LTBR: variants seen among roughly 807,000 people sequenced by gnomAD.
The protein encoded by LTBR is tumor necrosis factor receptor superfamily member 3.
A neutral mutation model predicts 45.4 loss-of-function variants in LTBR; 15 were observed. The ratio of observed to expected loss-of-function variants is 0.33; its 90% CI spans 0.22 to 0.51. LTBR has a LOEUF of 0.51. Ranked by LOEUF, LTBR falls within the 20% of genes least tolerant of loss-of-function variation. The pLI is 0.97. For synonymous variants in LTBR, 228 were observed against 231.0 expected (o/e 0.99, Z 0.12); for missense variants, 450 against 565.5 (o/e 0.80, Z 2.07).
chr12:6,390,956 A>G lies in LTBR; in HGVS notation c.*19A>G, dbSNP rs1949107020. 2.0e-6 allele frequency: 3 copies of G among 1,514,426 alleles called. No homozygotes were observed. Among genetic ancestry groups the G allele is most frequent in the South Asian group, 1.3e-5 (1 of 74,830 alleles). 93.8% of individuals were successfully genotyped at this position (1,514,426 alleles called of 1,614,324 possible). On this transcript the variant is annotated 3_prime_UTR_variant, in exon 10 of 10. Coordinates refer to ENST00000228918, the MANE Select transcript of LTBR (RefSeq NM_002342.3). ...TGACTGACTGAGTCTGAGAAAAGGCAGAAGAAGGGGGGCACAAGGGCACCT... is the reference window on the plus strand; with the variant it reads ...TGACTGACTGAGTCTGAGAAAAGGCGGAAGAAGGGGGGCACAAGGGCACCT...
Position 6,384,575 on chromosome 12 carries a change from T to G in LTBR, c.97-13T>G. 5.0e-6 allele frequency: 8 copies of G among 1,612,922 alleles called. No individual in the cohort carries two copies. The highest frequency in any genetic ancestry group is 5.9e-6 in the Non-Finnish European group (7 of 1,178,884). ...ACTAATTCTTCTCTCCTCTTCTCCA[T>G]CTCCCTTTGAAGGTGCCTCCATATG... On this transcript the variant is annotated splice_polypyrimidine_tract_variant and intron_variant, in intron 1 of 9. Transcript: ENST00000228918.
upstream of LTBR, chr12:6,375,346 C>T (rs545280299): frequency 9.0e-6 from 13 of 1,447,794 alleles, no homozygotes; most frequent in African/African-American, 1.3e-4. Context: ...CAGCCTCTGG[C>T]CCTGACCTCG....
Position 6,386,584 on chromosome 12 carries a change from G to T in LTBR, c.667+140G>T. The T allele has an allele frequency of 3.9e-5, 23 of 593,230 alleles. No homozygotes were observed. The highest frequency in any genetic ancestry group is 5.8e-5 in the Non-Finnish European group (19 of 328,542). The allele number at this position is 593,230 out of a possible 1,614,324, so 36.7% of individuals were successfully genotyped here. On this transcript the variant is annotated intron_variant, in intron 6 of 9. Transcript: ENST00000228918. This position sits in a 1 kb window ranked among gnomAD's most constrained non-coding sequence, Gnocchi z 4.1. Reference sequence around the variant, plus strand: ...AAGAAAGTTCCTTACAGAAAAAATTGGAGTATCTCTAGGCTAGTTTACACA... The same window carrying T: ...AAGAAAGTTCCTTACAGAAAAAATTTGAGTATCTCTAGGCTAGTTTACACA...
Position 6,390,928 on chromosome 12 carries a change from C to G in LTBR, c.1299C>G (p.Thr433=), listed in dbSNP as rs1390817138. 6.4e-7 allele frequency: 1 copy of G among 1,560,048 alleles called. No individual in the cohort carries two copies. The highest frequency in any genetic ancestry group is 8.7e-7 in the Non-Finnish European group (1 of 1,152,560). ...SNRGPRNQFI[T]HD ...GGGGCCCAAGGAACCAATTTATCAC[C>G]CATGACTGACTGAGTCTGAGAAAAG... Residue 433 remains threonine, a synonymous_variant, in exon 10 of 10, where the codon ACC becomes ACG. Transcript: ENST00000228918.
At chr12:6,377,269 T>A (rs1948928128) in intron 1 of LTBR, 1 of 1,550,674 alleles carries the variant, frequency 6.4e-7, no homozygotes, top group East Asian at 2.4e-5. Flanking sequence ...CTGCTCATGA[T>A]ACCTCCCCTT....
chr12:6,378,527 G>A (rs143105235), intron 1 of LTBR, among the ~76,000 whole-genome samples: 31 of 151,612 alleles, frequency 2.0e-4, no homozygotes, highest in African/African-American at 7.0e-4. Context: ...TCTTACCTGA[G>A]AAAATGAAAG....
In LTBR at chr12:6,388,470, T is replaced by C; in HGVS notation, c.740T>C (p.Ile247Thr). Residue 247 changes from isoleucine to threonine, a missense_variant, in exon 7 of 10, where the codon ATC (isoleucine) becomes ACC (threonine). Ile to Thr is a moderately conservative substitution (Grantham distance 89, BLOSUM62 -1). Coordinates refer to ENST00000228918, the MANE Select transcript of LTBR (RefSeq NM_002342.3). This position sits in a 1 kb window ranked among gnomAD's most constrained non-coding sequence, Gnocchi z 4.3. ...FLLLATVFSC[I>T]WKSHPSLCRK... The stretch of plus-strand genomic sequence containing the variant: ...CTCCTTGCCACCGTCTTCTCCTGCA[T>C]CTGGAAGAGCCACCCTTCTCTCTGC... 1 of 1,614,036 alleles carries C rather than the reference T, an allele frequency of 6.2e-7. No homozygotes were observed. Among genetic ancestry groups the C allele is most frequent in the Non-Finnish European group, 8.5e-7 (1 of 1,179,992 alleles).
Position 6,391,010 on chromosome 12 carries a change from G to A in LTBR, c.*73G>A. 1 of 1,426,142 alleles carries A rather than the reference G, an allele frequency of 7.0e-7. No individual in the cohort carries two copies. Among genetic ancestry groups the A allele is most frequent in the Non-Finnish European group, 9.3e-7 (1 of 1,077,364 alleles). The allele number at this position is 1,426,142 out of a possible 1,614,324, so 88.3% of individuals were successfully genotyped here. A position where few individuals can be genotyped will look rare whatever the true frequency, so the allele number is the denominator to read the frequency against. ...CCCTTGAGGCTGCCCTGCCCACGTG[G>A]GATTCACAGGGGCCTGAGTAGGGCC... On this transcript the variant is annotated 3_prime_UTR_variant, in exon 10 of 10. Transcript: ENST00000228918.
chr12:6,384,754 C>A, intron 2 of LTBR, 70 bp downstream of exon 2: 1 of 1,446,214 alleles, frequency 6.9e-7, no homozygotes, highest in East Asian at 2.3e-5. Flanking sequence ...CCCTCGCGGC[C>A]TCAGAGGGAA....
intron 1 of LTBR, chr12:6,377,769 G>C: frequency 1.2e-6 from 1 of 812,360 alleles, no homozygotes; most frequent in South Asian, 1.4e-5. Context: ...GCCAGCTCAT[G>C]CCTGAAATCC....
At chr12:6,376,606 C>A (rs1948914624) in intron 1 of LTBR, among the ~76,000 whole-genome samples, 10 of 152,234 alleles carry the variant, frequency 6.6e-5, no homozygotes, top group Admixed American at 6.5e-4. Flanking sequence ...TCTCCAAAAT[C>A]TCTTTCCAAA....
Position 6,388,971 on chromosome 12 carries a change from C to A in LTBR, c.801+146C>A. 2.0e-6 allele frequency: 2 copies of A among 1,003,584 alleles called. No homozygotes were observed. Among genetic ancestry groups the A allele is most frequent in the Non-Finnish European group, 3.0e-6 (2 of 656,496 alleles). 62.2% of individuals were successfully genotyped at this position (1,003,584 alleles called of 1,614,324 possible). A position where few individuals can be genotyped will look rare whatever the true frequency, so the allele number is the denominator to read the frequency against. On this transcript the variant is annotated intron_variant, in intron 8 of 9. Coordinates refer to ENST00000228918, the MANE Select transcript of LTBR (RefSeq NM_002342.3). This position sits in a 1 kb window ranked among gnomAD's most constrained non-coding sequence, Gnocchi z 4.3. ...TTTACTGAACATGCCACGTACCAGG[C>A]ACTGTCCTAGGCACTGGGCGTACAG...
intron 1 of LTBR, chr12:6,376,264 C>T (rs1319141134): frequency 4.6e-6 from 4 of 877,170 alleles, no homozygotes; most frequent in Non-Finnish European, 5.5e-6. Flanking sequence ...CCCCCTCCAA[C>T]CTTGTCCAGA....
upstream of LTBR, among the ~76,000 whole-genome samples, chr12:6,381,005 T>C (rs999505142): frequency 3.9e-5 from 6 of 152,172 alleles, no homozygotes; most frequent in African/African-American, 9.7e-5. Flanking sequence ...CTCCTGGGGA[T>C]GGCTGGGCAT....
chr12:6,390,637 A>G, intron 9 of LTBR, 23 bp from the exon 10 acceptor site: 1 of 1,498,648 alleles, frequency 6.7e-7, no homozygotes. Flanking sequence ...TCCTTCCTCA[A>G]CACTCTGCCT....
At position 6,391,090 on chromosome 12, in the gene LTBR, G is replaced by A; in HGVS notation, c.*153G>A. The stretch of plus-strand genomic sequence containing the variant: ...CTCAGACACCTCTGAGAGCAGGTGG[G>A]CACTGGCTGGGTACGGTGCCCTCCA... On this transcript the variant is annotated 3_prime_UTR_variant, in exon 10 of 10. Transcript: ENST00000228918. 1 of 782,020 alleles carries A rather than the reference G, an allele frequency of 1.3e-6. No homozygotes were observed. The highest frequency in any genetic ancestry group is 1.9e-6 in the Non-Finnish European group (1 of 534,918). The allele number at this position is 782,020 out of a possible 1,614,324, so 48.4% of individuals were successfully genotyped here. A position where few individuals can be genotyped will look rare whatever the true frequency, so the allele number is the denominator to read the frequency against.
At chr12:6,390,609 G>A in intron 9 of LTBR, 51 bp from the exon 10 acceptor site, 1 of 1,488,002 alleles carries the variant, frequency 6.7e-7, no homozygotes, top group Non-Finnish European at 9.0e-7. Context: ...AGAAGCAGCG[G>A]GCCTGAACTG....
In LTBR at chr12:6,390,169, T is replaced by G. The variant is rs1344147382; in HGVS notation, c.859T>G (p.Phe287Val). 2 of 1,614,122 alleles carry G rather than the reference T, an allele frequency of 1.2e-6. No individual in the cohort carries two copies. The highest frequency in any genetic ancestry group is 2.2e-5 in the East Asian group (1 of 44,850). ...GGAGCCTCCGAAGGCCCATCCATACTTCCCTGACTTGGTACAGCCACTGCT... is the reference window on the plus strand; with the variant it reads ...GGAGCCTCCGAAGGCCCATCCATACGTCCCTGACTTGGTACAGCCACTGCT... ...SWEPPKAHPYFPDLVQPLLPI... is the reference protein window; with the variant it reads ...SWEPPKAHPYVPDLVQPLLPI... The change falls in exon 9 of 10, where the codon TTC (phenylalanine) becomes GTC (valine). Residue 287 changes from phenylalanine to valine, a missense_variant. Around this residue, in one of 3 missense-constraint regions of LTBR, gnomAD observed 367 missense variants for 435.4 expected, o/e 0.84. Transcript: ENST00000228918.
chr12:6,375,567 A>ATT lies in LTBR; in HGVS notation c.12_13insTT (p.Gly5LeufsTer5). The ATT allele has an allele frequency of 6.5e-7, 1 of 1,526,868 alleles. No homozygotes were observed. Among genetic ancestry groups the ATT allele is most frequent in the Non-Finnish European group, 8.8e-7 (1 of 1,140,982 alleles). 94.6% of individuals were successfully genotyped at this position (1,526,868 alleles called of 1,614,324 possible). On this transcript the variant is annotated frameshift_variant, in exon 1 of 10. Transcript: ENST00000539925. LOFTEE classifies it high-confidence loss of function. ...CTGGCCGGCCAGGGATGGAAGCGAC[A>ATT]GGAATCTCATTAGCATCTCAATTAA...
Sources: allele counts gnomAD v4.1 joint callset (sites outside exome capture counted in the v4.1 genomes callset), GRCh38; gene constraint gnomAD v4.1.1; regional missense constraint gnomAD v4.1.1; non-coding constraint Gnocchi (gnomAD v3.1); transcripts MANE v1.5; gene names NCBI Gene and HGNC (gene_info 2026-07-23, HGNC 2026-07-21).